Variants in NCOA2 observed in about 807,000 individuals in gnomAD.
The protein encoded by NCOA2 is nuclear receptor coactivator 2.
A neutral mutation model predicts 145.1 loss-of-function variants in NCOA2; 21 were observed. That is an observed-to-expected ratio of 0.14 (90% CI 0.10 to 0.21). NCOA2 has a LOEUF of 0.21. Ranked by LOEUF, NCOA2 falls within the 10% of genes least tolerant of loss-of-function variation. The pLI is 1.00. For synonymous variants in NCOA2, 619 were observed against 637.5 expected (o/e 0.97, Z 0.44); for missense variants, 1,472 against 1,837.6 (o/e 0.80, Z 3.64).
At chr8:70,264,766 GT>G (rs1824429769) in intron 2 of NCOA2, among the ~76,000 whole-genome samples, 1 of 151,974 alleles carries the variant, frequency 6.6e-6, no homozygotes, top group Non-Finnish European at 1.5e-5. Context: ...CTGATAAATT[GT>G]ATATGTTCAC....
chr8:70,201,604 T>C (rs1817897544), intron 4 of NCOA2, among the ~76,000 whole-genome samples: 1 of 152,116 alleles, frequency 6.6e-6, no homozygotes, highest in Non-Finnish European at 1.5e-5. Context: ...AAGGTGAACA[T>C]TTTGTAAGAA....
chr8:70,231,137 A>G (rs536876430), intron 2 of NCOA2, among the ~76,000 whole-genome samples: 19 of 152,300 alleles, frequency 1.2e-4, no homozygotes, highest in African/African-American at 4.6e-4. Flanking sequence ...GTACTGTCAA[A>G]CTGTTTTCCA....
At chr8:70,274,148 T>C (rs1004703813) in intron 2 of NCOA2, among the ~76,000 whole-genome samples, 2 of 151,444 alleles carry the variant, frequency 1.3e-5, no homozygotes, top group African/African-American at 4.9e-5. Flanking sequence ...GACACCGATC[T>C]GTACACAGTA....
At chr8:70,249,341 A>C (rs757603016) in intron 2 of NCOA2, among the ~76,000 whole-genome samples, 1 of 152,208 alleles carries the variant, frequency 6.6e-6, no homozygotes, top group Admixed American at 6.5e-5. Context: ...ATTACGTTGC[A>C]ATATGAAAAA....
intron 22 of NCOA2, among the ~76,000 whole-genome samples, chr8:70,117,584 C>A (rs1563472118): frequency 2.0e-5 from 3 of 152,198 alleles, no homozygotes; most frequent in Admixed American, 1.3e-4. Flanking sequence ...AGAAAATTAT[C>A]CATTGTTGGC....
intron 1 of NCOA2, among the ~76,000 whole-genome samples, chr8:70,316,711 G>T (rs974843257): frequency 6.6e-6 from 1 of 152,302 alleles, no homozygotes; most frequent in South Asian, 2.1e-4. Context: ...TCCTGAGCCA[G>T]TGTAATAAGG....
At chr8:70,449,553 A>C in the NCOA2 span, among the ~76,000 whole-genome samples, 1 of 152,338 alleles carries the variant, frequency 6.6e-6, no homozygotes, top group East Asian at 1.9e-4. Flanking sequence ...AGCTGGCAGG[A>C]TCAGGGAACC....
At chr8:70,257,383 T>C (rs74362682) in intron 2 of NCOA2, among the ~76,000 whole-genome samples, 276 of 152,322 alleles carry the variant, frequency 1.8e-3, no homozygotes, top group Non-Finnish European at 3.0e-3. Context: ...AGGGCACTGT[T>C]CTAGGCACTG....
the NCOA2 span, among the ~76,000 whole-genome samples, chr8:70,429,409 T>C: frequency 6.6e-6 from 1 of 152,258 alleles, no homozygotes; most frequent in Non-Finnish European, 1.5e-5. Context: ...AGGAGTGCTG[T>C]AACTGTGTTG....
chr8:70,387,729 G>A (rs1275636390), intron 1 of NCOA2, among the ~76,000 whole-genome samples: 3 of 152,162 alleles, frequency 2.0e-5, no homozygotes, highest in Non-Finnish European at 4.4e-5. Flanking sequence ...GGGGCAGCTT[G>A]GGACTAAGGG....
At chr8:70,449,189 C>T in the NCOA2 span, among the ~76,000 whole-genome samples, 2 of 152,180 alleles carry the variant, frequency 1.3e-5, no homozygotes, top group African/African-American at 4.8e-5. Flanking sequence ...TTACAAGTTT[C>T]ATGTCCCTTA....
chr8:70,206,756 A>T (rs1340411340), intron 4 of NCOA2, among the ~76,000 whole-genome samples: 1 of 152,144 alleles, frequency 6.6e-6, no homozygotes, highest in East Asian at 1.9e-4. Context: ...GCTCCCATAC[A>T]TCTTATTCTA....
chr8:70,395,286 T>C (rs1263791891), intron 1 of NCOA2, among the ~76,000 whole-genome samples: 1 of 152,208 alleles, frequency 6.6e-6, no homozygotes, highest in Non-Finnish European at 1.5e-5. Context: ...GCGTAGTAAG[T>C]GGTCAGCTAC....
the NCOA2 span, among the ~76,000 whole-genome samples, chr8:70,445,336 A>G: frequency 6.6e-6 from 1 of 152,242 alleles, no homozygotes; most frequent in Non-Finnish European, 1.5e-5. Flanking sequence ...AGCATAAATT[A>G]ACTGTATTTC....
chr8:70,420,679 G>T, the NCOA2 span, among the ~76,000 whole-genome samples: 1 of 152,102 alleles, frequency 6.6e-6, no homozygotes, highest in East Asian at 1.9e-4. Flanking sequence ...ACCAAGTCTT[G>T]CTCTGTCGCC....
At chr8:70,419,064 A>G in the NCOA2 span, among the ~76,000 whole-genome samples, 11 of 151,976 alleles carry the variant, frequency 7.2e-5, no homozygotes, top group Non-Finnish European at 1.5e-4. Context: ...CATAATTTCA[A>G]GATTTTTTAT....
At chr8:70,129,289 T>G (rs998208398) in intron 16 of NCOA2, among the ~76,000 whole-genome samples, 1 of 152,106 alleles carries the variant, frequency 6.6e-6, no homozygotes, top group African/African-American at 2.4e-5. Flanking sequence ...ACCAATCATA[T>G]TGGCCTGGAC....
At chr8:70,391,117 T>C (rs760750365) in intron 1 of NCOA2, among the ~76,000 whole-genome samples, 5 of 152,064 alleles carry the variant, frequency 3.3e-5, no homozygotes, top group East Asian at 3.9e-4. Context: ...GATGAAGACA[T>C]TGCAAAGAAA....
chr8:70,201,810 T>A (rs1323618046), intron 4 of NCOA2, among the ~76,000 whole-genome samples: 1 of 152,154 alleles, frequency 6.6e-6, no homozygotes, highest in Non-Finnish European at 1.5e-5. Flanking sequence ...TAGGGGGACA[T>A]GAGAAACGAC....
Sources: gnomAD v4.1 joint callset for allele counts (sites outside exome capture counted in the v4.1 genomes callset) on GRCh38, gnomAD v4.1.1 for gene constraint, MANE v1.5 for transcripts, NCBI Gene and HGNC (gene_info 2026-07-23, HGNC 2026-07-21) for gene names.